The following NEXMIF variants were observed in gnomAD, a reference collection of about 807,000 sequenced individuals.
NEXMIF encodes the protein XLMR protein related to neurite extension.
Under a neutral mutation model 62.1 loss-of-function variants are expected in NEXMIF, and 8 were observed. The ratio of observed to expected loss-of-function variants is 0.13; its 90% CI spans 0.08 to 0.23. NEXMIF has a LOEUF of 0.23. NEXMIF is among the 10% of genes least tolerant of loss of function. The pLI is 1.00. For missense variants in NEXMIF, 976 were observed against 1,113.3 expected (o/e 0.88, Z 1.75); for synonymous variants, 404 against 416.6 (o/e 0.97, Z 0.37).
intron 1 of NEXMIF, among the ~76,000 whole-genome samples, chrX:74,873,596 C>A (rs1165534395): frequency 8.9e-6 from 1 of 111,836 alleles, no homozygotes; most frequent in African/African-American, 3.3e-5. Context: ...AACTAGTTTA[C>A]AGTCCCACCA....
rs927047621 is a variant in NEXMIF at position 74,744,295 on chromosome X, C to T, written c.262G>A (p.Glu88Lys). ...PSPLGLIEAP[E>K]HAANSASVNA... Reference sequence around the variant, plus strand: ...ACAGAAGCACTATTAGCAGCATGTTCGGGTGCTTCAATCAGGCCCAAAGGA... The same window carrying T: ...ACAGAAGCACTATTAGCAGCATGTTTGGGTGCTTCAATCAGGCCCAAAGGA... Residue 88 changes from glutamate to lysine, a missense_variant, in exon 3 of 4, where the codon GAA becomes AAA. Coordinates refer to ENST00000055682, the MANE Select transcript of NEXMIF (RefSeq NM_001008537.3). The T allele has an allele frequency of 1.3e-5, 16 of 1,209,351 alleles. No homozygotes were observed. The highest frequency in any genetic ancestry group is 2.3e-4 in the Middle Eastern group (1 of 4,366).
In NEXMIF at chrX:74,912,670, C is replaced by T. The variant is rs546174452; in HGVS notation, c.-48+12213G>A. Among the ~76,000 whole-genome samples the T allele has an allele frequency of 1.2e-4, 13 of 111,505 alleles. 1 individual carries two copies. The South Asian group carries it at 5.0e-3, about 43-fold the overall frequency. ...AGATCCTTGTCTTATTCCATCTGTG[C>T]CAGTTTTCCCAAACCCCAATTCCTG... is the stretch of plus-strand genomic sequence containing the variant. On this transcript the variant is annotated intron_variant, in intron 1 of 3. Transcript: ENST00000055682.
At chrX:74,828,214 G>GAGGGAGT (rs2080424585) in intron 1 of NEXMIF, among the ~76,000 whole-genome samples, 1 of 111,637 alleles carries the variant, frequency 9.0e-6, no homozygotes, top group Non-Finnish European at 1.9e-5. Flanking sequence ...AGGAAAAGAG[G>GAGGGAGT]AGGGAGTATG....
At chrX:74,791,539 T>G (rs1204173636) in intron 1 of NEXMIF, among the ~76,000 whole-genome samples, 3 of 111,762 alleles carry the variant, frequency 2.7e-5, no homozygotes, top group Non-Finnish European at 3.8e-5. Flanking sequence ...TTGGAATAGT[T>G]TCAGAAGGAA....
At chrX:74,756,719 A>T (rs2080160547) in intron 1 of NEXMIF, among the ~76,000 whole-genome samples, 2 of 111,896 alleles carry the variant, frequency 1.8e-5, no homozygotes, top group Admixed American at 1.9e-4. Flanking sequence ...GCAGCAAAGA[A>T]GTCCTCAGAG....
At chrX:74,887,364 A>G (rs1468200035) in intron 1 of NEXMIF, among the ~76,000 whole-genome samples, 7 of 111,204 alleles carry the variant, frequency 6.3e-5, no homozygotes, top group African/African-American at 2.0e-4. Context: ...TGAACAGGCA[A>G]CCTACAGAAT....
chrX:74,881,826 T>C (rs2080665633), intron 1 of NEXMIF, among the ~76,000 whole-genome samples: 1 of 111,956 alleles, frequency 8.9e-6, no homozygotes, highest in South Asian at 3.8e-4. Flanking sequence ...GCAGTGCTTC[T>C]AGTACACAGT....
chrX:74,784,320 T>C (rs1437906872), intron 1 of NEXMIF, among the ~76,000 whole-genome samples: 1 of 111,706 alleles, frequency 9.0e-6, no homozygotes, highest in East Asian at 2.8e-4. Flanking sequence ...ATTTGGCTTA[T>C]GCAAAAATCC....
chrX:74,760,882 ATTT>A (rs2080173833), intron 1 of NEXMIF, among the ~76,000 whole-genome samples: 1 of 90,486 alleles, frequency 1.1e-5, no homozygotes, highest in Non-Finnish European at 2.4e-5. Context: ...TTATTTATTT[ATTT>A]AAGATGGAGT....
chrX:74,867,412 G>C (rs183707732), intron 1 of NEXMIF, among the ~76,000 whole-genome samples: 1 of 112,019 alleles, frequency 8.9e-6, no homozygotes, highest in Non-Finnish European at 1.9e-5. Flanking sequence ...AACCAAAGCA[G>C]CATGGTACTG....
At chrX:74,803,526 C>T (rs1048717225) in intron 1 of NEXMIF, among the ~76,000 whole-genome samples, 1 of 110,480 alleles carries the variant, frequency 9.1e-6, no homozygotes. Context: ...AGAGATTGCG[C>T]CACTGCACTC....
At chrX:74,777,840 T>C (rs943416329) in intron 1 of NEXMIF, among the ~76,000 whole-genome samples, 5 of 111,313 alleles carry the variant, frequency 4.5e-5, no homozygotes, top group South Asian at 3.8e-4. Flanking sequence ...ATAAGCTTTT[T>C]CCCCTGTAAT....
At chrX:74,744,540 T>C in intron 2 of NEXMIF, 63 bp from the exon 3 acceptor site, 1 of 823,337 alleles carries the variant, frequency 1.2e-6, no homozygotes, top group Non-Finnish European at 1.7e-6. Flanking sequence ...ACTCATTAAC[T>C]CTCTTTCCCT....
At chrX:74,775,318 T>C (rs1449261500) in intron 1 of NEXMIF, among the ~76,000 whole-genome samples, 1 of 112,007 alleles carries the variant, frequency 8.9e-6, no homozygotes, top group Non-Finnish European at 1.9e-5. Context: ...TCTCCACCTA[T>C]TCCATAATAT....
At chrX:74,798,611 T>C (rs929790597) in intron 1 of NEXMIF, among the ~76,000 whole-genome samples, 3 of 112,482 alleles carry the variant, frequency 2.7e-5, no homozygotes, top group African/African-American at 9.7e-5. Context: ...GTTTACTTTT[T>C]TTCCAGTGCA....
At chrX:74,858,009 C>T (rs1177088151) in intron 1 of NEXMIF, among the ~76,000 whole-genome samples, 1 of 112,129 alleles carries the variant, frequency 8.9e-6, no homozygotes, top group Non-Finnish European at 1.9e-5. Flanking sequence ...TATAATAGAA[C>T]ACCAGGTAGA....
rs190892345 is a variant in NEXMIF at position 74,891,589 on chromosome X, G to T, written c.-48+33294C>A. On this transcript the variant is annotated intron_variant, in intron 1 of 3. Coordinates refer to ENST00000055682, the MANE Select transcript of NEXMIF (RefSeq NM_001008537.3). ...TCTGAGGGCCAGGACATAATGTCCTGTTATTATTGTTGTATTTGTTTGTTT... is the reference window on the plus strand; with the variant it reads ...TCTGAGGGCCAGGACATAATGTCCTTTTATTATTGTTGTATTTGTTTGTTT... Among the ~76,000 whole-genome samples, 5 of 111,661 alleles carry T rather than the reference G, an allele frequency of 4.5e-5. No individual in the cohort carries two copies. The Admixed American group carries it at 4.8e-4, about 11-fold the overall frequency.
intron 1 of NEXMIF, among the ~76,000 whole-genome samples, chrX:74,772,977 T>C (rs2080215309): frequency 8.9e-6 from 1 of 112,316 alleles, no homozygotes; most frequent in Non-Finnish European, 1.9e-5. Flanking sequence ...AAAACATAGA[T>C]TAAAGTCTGC....
At chrX:74,887,119 C>A (rs765329734) in intron 1 of NEXMIF, among the ~76,000 whole-genome samples, 1 of 112,410 alleles carries the variant, frequency 8.9e-6, no homozygotes, top group Non-Finnish European at 1.9e-5. Flanking sequence ...GAAACTGGAT[C>A]CCTTCCTTAC....
Sources: gnomAD v4.1 joint callset for allele counts (sites outside exome capture counted in the v4.1 genomes callset) on GRCh38, gnomAD v4.1.1 for gene constraint, MANE v1.5 for transcripts, NCBI Gene and HGNC (gene_info 2026-07-23, HGNC 2026-07-21) for gene names.